The following CTNNA3 variants were observed in gnomAD, a reference collection of about 807,000 sequenced individuals.
CTNNA3 encodes the protein catenin alpha 3.
Under a neutral mutation model 95.7 loss-of-function variants are expected in CTNNA3, and 76 were observed. That is an observed-to-expected ratio of 0.79 (90% confidence interval 0.66 to 0.96). The LOEUF (loss-of-function observed/expected upper bound fraction) is 0.96. Among genes scored for constraint, CTNNA3 ranks in the 40% least tolerant of loss-of-function variants. The probability of loss-of-function intolerance (pLI) is 0.00; values close to 1 mark genes in which losing one functional copy is unlikely to be tolerated. For missense variants in CTNNA3, 1,191 were observed against 1,089.8 expected (o/e 1.09, Z -1.31); for synonymous variants, 431 against 374.4 (o/e 1.15, Z -1.74).
intron 1 of CTNNA3, among the ~76,000 whole-genome samples, chr10:67,733,428 G>A (rs1172371552): frequency 6.6e-6 from 1 of 152,102 alleles, no homozygotes; most frequent in Non-Finnish European, 1.5e-5. Context: ...TACATCCGTA[G>A]ATCATACCCA....
At chr10:67,510,754 G>C (rs1324777294) in intron 5 of CTNNA3, among the ~76,000 whole-genome samples, 3 of 152,118 alleles carry the variant, frequency 2.0e-5, no homozygotes, top group Non-Finnish European at 4.4e-5. Flanking sequence ...GCTTGATGGG[G>C]ATGGTATTGA....
chr10:67,118,307 G>A (rs1859288755), intron 7 of CTNNA3, among the ~76,000 whole-genome samples: 1 of 151,930 alleles, frequency 6.6e-6, no homozygotes, highest in Non-Finnish European at 1.5e-5. Context: ...GTCTTAGCTG[G>A]TGATTTTCTA....
chr10:66,298,626 T>C (rs1046583039), intron 12 of CTNNA3, among the ~76,000 whole-genome samples: 1 of 152,142 alleles, frequency 6.6e-6, no homozygotes, highest in Non-Finnish European at 1.5e-5. Context: ...GGATATTTTA[T>C]TGGGAGACGG....
chr10:66,974,173 C>T lies in CTNNA3; in HGVS notation c.1048-198649G>A, dbSNP rs181071377. Among the ~76,000 whole-genome samples the T allele has an allele frequency of 2.6e-5, 4 of 152,190 alleles. No homozygotes were observed. In the East Asian group the frequency reaches 7.7e-4, roughly 29 times the overall value. On this transcript the variant is annotated intron_variant, in intron 7 of 17. Transcript: ENST00000433211. ...ATTTTGCCTAATTTCGAGCTTGATACGAATGAAATCATTCAATGTAGGTTT... is the reference window on the plus strand; with the variant it reads ...ATTTTGCCTAATTTCGAGCTTGATATGAATGAAATCATTCAATGTAGGTTT...
intron 9 of CTNNA3, among the ~76,000 whole-genome samples, chr10:66,645,398 A>G (rs1477370733): frequency 2.0e-5 from 3 of 152,054 alleles, no homozygotes; most frequent in South Asian, 4.2e-4. Flanking sequence ...ACAGTGTGAG[A>G]CTTCGTTCGG....
intron 5 of CTNNA3, among the ~76,000 whole-genome samples, chr10:67,308,226 G>T (rs1197252725): frequency 6.6e-6 from 1 of 152,132 alleles, no homozygotes; most frequent in East Asian, 1.9e-4. Flanking sequence ...GCTTAGCTGT[G>T]TCCCCACCCA....
intron 11 of CTNNA3, among the ~76,000 whole-genome samples, chr10:66,389,735 G>C (rs1209820626): frequency 7.9e-6 from 1 of 127,178 alleles, no homozygotes; most frequent in Non-Finnish European, 1.7e-5. Flanking sequence ...GAGAGAGAGA[G>C]AGAGAGAGAG....
At chr10:67,079,675 C>T (rs1473070288) in intron 7 of CTNNA3, among the ~76,000 whole-genome samples, 1 of 151,902 alleles carries the variant, frequency 6.6e-6, no homozygotes, top group East Asian at 1.9e-4. Flanking sequence ...TAGTGAAACC[C>T]CATCTCTACT....
chr10:67,267,427 C>T (rs963784553), intron 5 of CTNNA3, among the ~76,000 whole-genome samples: 8 of 152,078 alleles, frequency 5.3e-5, no homozygotes, highest in South Asian at 2.1e-4. Flanking sequence ...TGCAGTGGCA[C>T]GATCTTGGCT....
At chr10:67,638,997 A>G (rs537043320) in intron 2 of CTNNA3, among the ~76,000 whole-genome samples, 35 of 152,340 alleles carry the variant, frequency 2.3e-4, no homozygotes, top group Admixed American at 3.3e-4. Context: ...AAAGCAAGAA[A>G]TAAGTAAGAT....
At chr10:67,750,043 G>T (rs1841396873) in intron 1 of CTNNA3, among the ~76,000 whole-genome samples, 1 of 152,112 alleles carries the variant, frequency 6.6e-6, no homozygotes, top group Admixed American at 6.5e-5. Context: ...CGCCGTGAAG[G>T]TCCGCGGGCT....
chr10:66,008,736 T>G (rs974582716), intron 15 of CTNNA3, among the ~76,000 whole-genome samples: 9 of 152,210 alleles, frequency 5.9e-5, no homozygotes, highest in African/African-American at 1.7e-4. Context: ...CTAATGATAA[T>G]GTCATTAAAA....
chr10:67,648,600 GA>G (rs1218123398), intron 1 of CTNNA3: 1 of 697,508 alleles, frequency 1.4e-6, no homozygotes, highest in Non-Finnish European at 2.0e-6. Context: ...ATTTTGCCTT[GA>G]AAAAATAATT....
intron 5 of CTNNA3, among the ~76,000 whole-genome samples, chr10:67,306,101 A>G (rs1840542351): frequency 2.0e-5 from 3 of 152,278 alleles, no homozygotes; most frequent in Admixed American, 1.3e-4. Context: ...AAACAGATAA[A>G]GCAGGTGCAA....
intron 15 of CTNNA3, among the ~76,000 whole-genome samples, chr10:66,026,041 T>G (rs1303535559): frequency 6.6e-6 from 1 of 152,144 alleles, no homozygotes; most frequent in Non-Finnish European, 1.5e-5. Flanking sequence ...CAGTCACCTG[T>G]TTTGAATTTT....
intron 9 of CTNNA3, among the ~76,000 whole-genome samples, chr10:66,729,014 C>T (rs1365173645): frequency 1.3e-5 from 2 of 152,164 alleles, no homozygotes; most frequent in African/African-American, 4.8e-5. Flanking sequence ...GGAGTCCTTT[C>T]CCCATTACTT....
At chr10:65,978,077 T>C (rs1358838532) in intron 16 of CTNNA3, among the ~76,000 whole-genome samples, 5 of 152,084 alleles carry the variant, frequency 3.3e-5, no homozygotes, top group African/African-American at 2.4e-5. Context: ...CCTTTTTTTT[T>C]CTGATTCCTG....
chr10:66,452,756 C>A lies in CTNNA3; in HGVS notation c.1531+67861G>T, dbSNP rs765411852. ...TTTTAGGCCCTGCCTTCTGATGGACCAGGTGGTGCCACCCAGACTGGTAAA... is the reference window on the plus strand; with the variant it reads ...TTTTAGGCCCTGCCTTCTGATGGACAAGGTGGTGCCACCCAGACTGGTAAA... On this transcript the variant is annotated intron_variant, in intron 11 of 17. Transcript: ENST00000433211. 3.9e-5 allele frequency among the ~76,000 whole-genome samples: 6 copies of A among 152,074 alleles called. No individual in the cohort carries two copies. In the South Asian group the frequency reaches 1.0e-3, roughly 26 times the overall value.
chr10:67,692,634 C>T (rs1458568782), intron 1 of CTNNA3, among the ~76,000 whole-genome samples: 5 of 133,620 alleles, frequency 3.7e-5, no homozygotes, highest in South Asian at 2.6e-4. Context: ...CCTAGGAAAA[C>T]CAGAGACCTT....
Sources: gnomAD v4.1 joint callset for allele counts (sites outside exome capture counted in the v4.1 genomes callset) on GRCh38, gnomAD v4.1.1 for gene constraint, MANE v1.5 for transcripts, NCBI Gene and HGNC (gene_info 2026-07-23, HGNC 2026-07-21) for gene names.